Variants in CCDC141 observed in about 807,000 individuals in gnomAD.
The protein encoded by CCDC141 is coiled-coil domain containing 141.
Under a neutral mutation model 181.0 loss-of-function variants are expected in CCDC141, and 168 were observed. The observed-to-expected ratio is 0.93, with a 90% CI of 0.82 to 1.05. The LOEUF (loss-of-function observed/expected upper bound fraction) is 1.05. CCDC141 is among the 50% of genes least tolerant of loss of function. The pLI is 0.00. For synonymous variants in CCDC141, 666 were observed against 642.3 expected (o/e 1.04, Z -0.56); for missense variants, 1,902 against 1,788.5 (o/e 1.06, Z -1.14).
chr2:179,045,239 A>C, intron 2 of CCDC141, among the ~76,000 whole-genome samples: 1 of 137,704 alleles, frequency 7.3e-6, no homozygotes, highest in Admixed American at 7.7e-5. Flanking sequence ...TTCAATTCCC[A>C]CCTATGAGTG....
intron 2 of CCDC141, among the ~76,000 whole-genome samples, chr2:179,011,113 A>C (rs544937553): frequency 6.6e-6 from 1 of 151,808 alleles, no homozygotes; most frequent in East Asian, 1.9e-4. Context: ...AGCCGAGATC[A>C]CACCATTGCA....
At chr2:178,855,043 T>G (rs1685323950) in intron 19 of CCDC141, among the ~76,000 whole-genome samples, 1 of 152,224 alleles carries the variant, frequency 6.6e-6, no homozygotes, top group Non-Finnish European at 1.5e-5. Flanking sequence ...CATAATTTCA[T>G]GATAATTAAA....
At chr2:178,951,055 C>T (rs1689932695) in intron 5 of CCDC141, among the ~76,000 whole-genome samples, 1 of 152,140 alleles carries the variant, frequency 6.6e-6, no homozygotes, top group Admixed American at 6.5e-5. Context: ...AAAATCAGTA[C>T]AGTAGATGTC....
intron 11 of CCDC141, among the ~76,000 whole-genome samples, chr2:178,878,508 G>A (rs926446206): frequency 7.2e-5 from 10 of 139,060 alleles, no homozygotes; most frequent in Admixed American, 3.0e-4. Flanking sequence ...TGGTAGAGAC[G>A]AGGTCTTGCT....
intron 17 of CCDC141, among the ~76,000 whole-genome samples, chr2:178,861,911 T>C (rs1193111527): frequency 1.3e-5 from 2 of 152,206 alleles, no homozygotes; most frequent in African/African-American, 4.8e-5. Context: ...CACTATACCA[T>C]TGTGCTGCCC....
the CCDC141 span, among the ~76,000 whole-genome samples, chr2:178,820,626 A>T: frequency 6.6e-6 from 1 of 152,210 alleles, no homozygotes; most frequent in South Asian, 2.1e-4. Flanking sequence ...TGAGAATGAG[A>T]TCTAAAGTTT....
At chr2:178,997,731 T>C (rs149830879) in intron 2 of CCDC141, among the ~76,000 whole-genome samples, 141 of 152,268 alleles carry the variant, frequency 9.3e-4, no homozygotes, top group African/African-American at 3.2e-3. Flanking sequence ...GGGAAAACCA[T>C]TGATAACACC....
At chr2:179,016,644 G>A (rs2042551693) in intron 2 of CCDC141, among the ~76,000 whole-genome samples, 1 of 152,112 alleles carries the variant, frequency 6.6e-6, no homozygotes, top group Non-Finnish European at 1.5e-5. Flanking sequence ...GAACTGATAA[G>A]TGGTAGGAAT....
chr2:179,015,067 GATATATATAT>G (rs1177070237), intron 2 of CCDC141, among the ~76,000 whole-genome samples: 1,684 of 39,630 alleles, frequency 0.042, 75 homozygotes, highest in Non-Finnish European at 0.078. Context: ...GAGAGACAGA[GATATATATAT>G]ATATATATAT....
intron 7 of CCDC141, among the ~76,000 whole-genome samples, chr2:178,913,456 T>C (rs1473632974): frequency 1.5e-5 from 2 of 133,458 alleles, no homozygotes; most frequent in Admixed American, 9.1e-5. Flanking sequence ...ATTTTAATTA[T>C]TTTTTTTTCA....
chr2:178,902,813 A>G lies in CCDC141; in HGVS notation c.1265+2516T>C, dbSNP rs958774029. 2.0e-5 allele frequency among the ~76,000 whole-genome samples: 3 copies of G among 149,710 alleles called. 1 individual carries two copies. The highest frequency in any genetic ancestry group is 7.3e-5 in the African/African-American group (3 of 41,140). On this transcript the variant is annotated intron_variant, in intron 8 of 23. Transcript: ENST00000443758. ...GCAAAAGAAACTACCATCAGAGTGA[A>G]CAGGCAACCTACAAAATGGGAGAAA...
chr2:178,961,787 T>G (rs1690414132), intron 4 of CCDC141, among the ~76,000 whole-genome samples: 1 of 152,156 alleles, frequency 6.6e-6, no homozygotes, highest in Non-Finnish European at 1.5e-5. Flanking sequence ...TTGCTGCAGT[T>G]TTCAGCGGTA....
chr2:178,960,973 T>C (rs1690370179), intron 5 of CCDC141, among the ~76,000 whole-genome samples: 2 of 152,202 alleles, frequency 1.3e-5, no homozygotes, highest in Non-Finnish European at 2.9e-5. Context: ...AATCCAAAAA[T>C]AGAATACATT....
At chr2:178,916,529 T>C (rs1186198050) in intron 7 of CCDC141, among the ~76,000 whole-genome samples, 2 of 151,800 alleles carry the variant, frequency 1.3e-5, no homozygotes, top group African/African-American at 4.8e-5. Context: ...GTATAAATAA[T>C]ATAGTTATTT....
intron 7 of CCDC141, among the ~76,000 whole-genome samples, chr2:178,914,479 G>C (rs1045015862): frequency 6.6e-6 from 1 of 152,132 alleles, no homozygotes; most frequent in Non-Finnish European, 1.5e-5. Flanking sequence ...CCAAACATCC[G>C]TATCTCAAGC....
chr2:178,833,360 T>C lies in CCDC141; in HGVS notation c.*813A>G, dbSNP rs1186478788. 1.3e-5 allele frequency: 2 copies of C among 152,160 alleles called. No homozygotes were observed. Among genetic ancestry groups the C allele is most frequent in the Non-Finnish European group, 2.9e-5 (2 of 68,028 alleles). 9.4% of individuals were successfully genotyped at this position (152,160 alleles called of 1,614,324 possible). ...TGAACTCATTTTCCAGACAGGAAAC[T>C]GAGGCAATGAGGCTTTGCCATAAAG... is the stretch of plus-strand genomic sequence containing the variant. On this transcript the variant is annotated 3_prime_UTR_variant, in exon 24 of 24. Coordinates refer to ENST00000443758, the MANE Select transcript of CCDC141 (RefSeq NM_173648.4).
chr2:178,886,086 G>A (rs532546624), intron 10 of CCDC141, among the ~76,000 whole-genome samples: 8 of 152,218 alleles, frequency 5.3e-5, no homozygotes, highest in Non-Finnish European at 1.2e-4. Flanking sequence ...GTGAGTTTCC[G>A]GTGGGGACAT....
chr2:178,950,486 C>T (rs1313601218), intron 5 of CCDC141, among the ~76,000 whole-genome samples: 3 of 152,154 alleles, frequency 2.0e-5, no homozygotes, highest in Non-Finnish European at 2.9e-5. Context: ...AGAAGAGATG[C>T]TAAAGCTGTG....
At chr2:179,036,883 A>T (rs1208031486) in intron 2 of CCDC141, among the ~76,000 whole-genome samples, 1 of 152,272 alleles carries the variant, frequency 6.6e-6, no homozygotes, top group Non-Finnish European at 1.5e-5. Context: ...TCTCTTCAAG[A>T]TTCTGAATCA....
Sources: gnomAD v4.1 joint callset for allele counts (sites outside exome capture counted in the v4.1 genomes callset) on GRCh38, gnomAD v4.1.1 for gene constraint, MANE v1.5 for transcripts, NCBI Gene and HGNC (gene_info 2026-07-23, HGNC 2026-07-21) for gene names.